The following SYT16 variants were observed in gnomAD, a reference collection of about 807,000 sequenced individuals.
The protein encoded by SYT16 is synaptotagmin 16.
SYT16 carries 42 observed loss-of-function variants against 61.4 expected under a neutral mutation model. That is an observed-to-expected ratio of 0.68 (90% confidence interval 0.53 to 0.89). The LOEUF is 0.89. Among genes scored for constraint, SYT16 ranks in the 40% least tolerant of loss-of-function variants. The pLI is 0.00. For synonymous variants in SYT16, 314 were observed against 302.3 expected, an observed-to-expected ratio of 1.04 and a Z score of -0.40; for missense variants, 804 against 807.3, an observed-to-expected ratio of 1.00 and a Z score of 0.05.
rs1192597267 is a variant in SYT16 at position 62,092,938 on chromosome 14, C to T, written c.1625-7456C>T. On this transcript the variant is annotated intron_variant, in intron 7 of 7. Coordinates refer to ENST00000683842, the MANE Select transcript of SYT16 (RefSeq NM_001367656.1). ...TGAAAAAAATACACTGGAGAGAGAT[C>T]AGAGGATATTGCAAAACCAGGTTAT... Among the ~76,000 whole-genome samples the T allele has an allele frequency of 4.6e-5, 7 of 151,726 alleles. No individual in the cohort carries two copies. In the East Asian group the frequency reaches 1.3e-3, roughly 29 times the overall value.
chr14:61,815,576 T>C (rs573063669), intron 1 of SYT16, among the ~76,000 whole-genome samples: 31 of 152,170 alleles, frequency 2.0e-4, no homozygotes, highest in Non-Finnish European at 4.3e-4. Context: ...TGGAAACTTA[T>C]AATGTTCACA....
At chr14:62,063,053 G>A (rs1339025085) in intron 3 of SYT16, among the ~76,000 whole-genome samples, 2 of 152,186 alleles carry the variant, frequency 1.3e-5, no homozygotes, top group African/African-American at 2.4e-5. Context: ...AAATGAGCAG[G>A]TGTTGGGCAC....
intron 1 of SYT16, among the ~76,000 whole-genome samples, chr14:61,873,514 A>C (rs990477186): frequency 3.3e-5 from 5 of 152,184 alleles, no homozygotes; most frequent in African/African-American, 1.2e-4. Context: ...ACAGAGCTTG[A>C]TGTTGTTCAG....
intron 3 of SYT16, among the ~76,000 whole-genome samples, chr14:62,034,518 G>A (rs2054428927): frequency 6.6e-6 from 1 of 152,008 alleles, no homozygotes; most frequent in Admixed American, 6.6e-5. Context: ...ATATTACTTG[G>A]CTGTAAAAAG....
intron 1 of SYT16, among the ~76,000 whole-genome samples, chr14:61,872,569 A>G (rs1282743655): frequency 6.6e-6 from 1 of 151,880 alleles, no homozygotes. Context: ...AGCAGCTTCA[A>G]CTCTTCATTG....
intron 3 of SYT16, among the ~76,000 whole-genome samples, chr14:62,002,498 T>G (rs1461403914): frequency 6.6e-6 from 1 of 152,112 alleles, no homozygotes; most frequent in Non-Finnish European, 1.5e-5. Context: ...TGTTTGCTAG[T>G]GTGATGTGGT....
In SYT16 at chr14:62,106,398, A is replaced by G. The variant is rs905618150; in HGVS notation, c.*5691A>G. ...TGGACTGGCAGTGAGTCTTGGTTGC[A>G]TTATATGGGAAATTGGTGGGGATGG... On this transcript the variant is annotated 3_prime_UTR_variant, in exon 8 of 8. Coordinates refer to ENST00000683842, the MANE Select transcript of SYT16 (RefSeq NM_001367656.1). The G allele has an allele frequency of 6.6e-6, 1 of 152,180 alleles. No individual in the cohort carries two copies. The highest frequency in any genetic ancestry group is 1.5e-5 in the Non-Finnish European group (1 of 68,026). The allele number at this position is 152,180 out of a possible 1,614,324, so 9.4% of individuals were successfully genotyped here.
intron 1 of SYT16, among the ~76,000 whole-genome samples, chr14:61,850,694 G>C (rs1300384558): frequency 3.3e-5 from 5 of 152,052 alleles, no homozygotes; most frequent in Admixed American, 1.3e-4. Context: ...AAAATCTATT[G>C]CTTTGGTTTG....
chr14:61,936,361 A>G (rs1725205768), intron 1 of SYT16, among the ~76,000 whole-genome samples: 1 of 152,108 alleles, frequency 6.6e-6, no homozygotes, highest in Non-Finnish European at 1.5e-5. Flanking sequence ...TAGAAATGAA[A>G]AAGTTGATAC....
At position 62,075,297 on chromosome 14, in the gene SYT16, C is replaced by A. The variant is rs374455034; in HGVS notation, c.899C>A (p.Ser300Tyr). 21 of 1,613,782 alleles carry A rather than the reference C, an allele frequency of 1.3e-5. No individual in the cohort carries two copies. The African/African-American group carries it at 2.0e-4, about 15-fold the overall frequency. ...SSVVQSLRRQSTEGSLEMETA... is the reference protein window; with the variant it reads ...SSVVQSLRRQYTEGSLEMETA... ...GTGGTCCAAAGCCTCAGGCGCCAAT[C>A]CACAGAGGGCAGCTTGGAGATGGAG... The change falls in exon 5 of 8, where the codon TCC becomes TAC. Residue 300 changes from serine (S) to tyrosine (Y), a missense_variant. Transcript: ENST00000683842.
At chr14:62,023,238 G>A (rs185021024) in intron 3 of SYT16, among the ~76,000 whole-genome samples, 105 of 152,236 alleles carry the variant, frequency 6.9e-4, no homozygotes, top group Non-Finnish European at 1.2e-3. Flanking sequence ...CTTTGTTTGG[G>A]TAGGTTTATT....
At position 62,100,979 on chromosome 14, in the gene SYT16, A is replaced by G. The variant is rs765633012; in HGVS notation, c.*272A>G. 3 of 343,050 alleles carry G rather than the reference A, an allele frequency of 8.7e-6. No homozygotes were observed. The highest frequency in any genetic ancestry group is 1.6e-5 in the Non-Finnish European group (3 of 187,826). 21.3% of individuals were successfully genotyped at this position (343,050 alleles called of 1,614,324 possible). ...ATGAGTTAATTTGTGCCAATAGATC[A>G]TTGAGTTTTAGTTCAGGGTATGGGG... On this transcript the variant is annotated 3_prime_UTR_variant, in exon 8 of 8. Transcript: ENST00000683842.
intron 1 of SYT16, among the ~76,000 whole-genome samples, chr14:61,911,201 T>G (rs1403736256): frequency 6.6e-6 from 1 of 152,184 alleles, no homozygotes; most frequent in Non-Finnish European, 1.5e-5. Flanking sequence ...TAGATAACCC[T>G]GAAATGGTTG....
At chr14:62,002,395 T>C (rs956849269) in intron 3 of SYT16, among the ~76,000 whole-genome samples, 6 of 152,170 alleles carry the variant, frequency 3.9e-5, no homozygotes, top group African/African-American at 1.4e-4. Flanking sequence ...ATCTTTAACA[T>C]CGTCTCCTCT....
intron 1 of SYT16, among the ~76,000 whole-genome samples, chr14:61,854,119 C>T (rs2140275957): frequency 6.6e-6 from 1 of 152,192 alleles, no homozygotes; most frequent in South Asian, 2.1e-4. Flanking sequence ...TGTACATACA[C>T]ATATGCACAT....
rs182192012 is a variant in SYT16 at position 61,913,286 on chromosome 14, G to C, written c.-324-56846G>C. The stretch of plus-strand genomic sequence containing the variant: ...CCAGAACATAGCATATGCTGCACCC[G>C]ATATTTGTGGAAAGGATGAATGAAT... On this transcript the variant is annotated intron_variant, in intron 1 of 7. Transcript: ENST00000683842. 7.5e-4 allele frequency among the ~76,000 whole-genome samples: 114 copies of C among 152,210 alleles called. 1 individual carries two copies. Among genetic ancestry groups the C allele is most frequent in the Non-Finnish European group, 9.9e-4 (67 of 68,004 alleles).
intron 1 of SYT16, among the ~76,000 whole-genome samples, chr14:61,939,337 T>C (rs746106847): frequency 3.9e-4 from 59 of 152,168 alleles, no homozygotes; most frequent in Admixed American, 1.8e-3. Flanking sequence ...AGCTAGCAAA[T>C]AATCCTCCTG....
chr14:61,876,770 C>T (rs866213958), intron 1 of SYT16, among the ~76,000 whole-genome samples: 64 of 152,296 alleles, frequency 4.2e-4, no homozygotes, highest in Admixed American at 3.3e-3. Context: ...CAGCGCATTT[C>T]AAGCTTTTGC....
chr14:62,021,259 T>C (rs2053897205), intron 3 of SYT16, among the ~76,000 whole-genome samples: 1 of 152,120 alleles, frequency 6.6e-6, no homozygotes, highest in Admixed American at 6.5e-5. Flanking sequence ...TTGCTTGGAA[T>C]TTGCCTAGTG....
Sources: gnomAD v4.1 joint callset for allele counts (sites outside exome capture counted in the v4.1 genomes callset) on GRCh38, gnomAD v4.1.1 for gene constraint, MANE v1.5 for transcripts, NCBI Gene and HGNC (gene_info 2026-07-23, HGNC 2026-07-21) for gene names.